Variants in HPCAL1 observed in about 807,000 individuals in gnomAD.
HPCAL1 encodes hippocalcin like 1, also known as hippocalcin-like protein 1.
A neutral mutation model predicts 17.1 loss-of-function variants in HPCAL1; 8 were observed. That is an observed-to-expected ratio of 0.47 (90% confidence interval 0.27 to 0.84). HPCAL1 has a LOEUF of 0.84. Ranked by LOEUF, HPCAL1 falls within the 40% of genes least tolerant of loss-of-function variation. HPCAL1 has a pLI of 0.13. For missense variants in HPCAL1, 165 were observed against 271.1 expected (o/e 0.61, Z 2.75); for synonymous variants, 112 against 111.4 (o/e 1.01, Z -0.03).
At chr2:10,371,554 G>C (rs757136203) in intron 1 of HPCAL1, among the ~76,000 whole-genome samples, 1 of 152,186 alleles carries the variant, frequency 6.6e-6, no homozygotes, top group Non-Finnish European at 1.5e-5. Context: ...TGAGGGGTCA[G>C]TCAGTGGGAA....
At chr2:10,401,196 T>C (rs1328343511) in intron 2 of HPCAL1, among the ~76,000 whole-genome samples, 1 of 152,138 alleles carries the variant, frequency 6.6e-6, no homozygotes, top group African/African-American at 2.4e-5. Flanking sequence ...CCGGCCTCTC[T>C]AGGTGGAGTC....
At chr2:10,364,694 T>TC (rs1666741569) in intron 1 of HPCAL1, among the ~76,000 whole-genome samples, 2 of 151,934 alleles carry the variant, frequency 1.3e-5, no homozygotes, top group South Asian at 4.2e-4. Context: ...CAGGTGATCC[T>TC]CCCACCTCAG....
intron 2 of HPCAL1, among the ~76,000 whole-genome samples, chr2:10,407,553 G>A (rs1044351444): frequency 1.3e-5 from 2 of 152,230 alleles, no homozygotes; most frequent in African/African-American, 4.8e-5. Flanking sequence ...AGACAGTCAA[G>A]AGATTTTGTA....
intron 1 of HPCAL1, among the ~76,000 whole-genome samples, chr2:10,322,418 C>G (rs542727520): frequency 2.6e-5 from 4 of 152,254 alleles, no homozygotes; most frequent in African/African-American, 7.2e-5. Flanking sequence ...CACGAAAACC[C>G]CAGCAGGACA....
intron 2 of HPCAL1, among the ~76,000 whole-genome samples, chr2:10,399,465 A>ACCG: frequency 7.7e-6 from 1 of 129,432 alleles, no homozygotes; most frequent in Non-Finnish European, 1.7e-5. Flanking sequence ...CACCACCACC[A>ACCG]TCACCATCAT....
intron 1 of HPCAL1, among the ~76,000 whole-genome samples, chr2:10,329,602 A>G (rs138623024): frequency 8.0e-4 from 122 of 152,388 alleles, no homozygotes; most frequent in South Asian, 4.3e-3. Context: ...GTCCACAGAC[A>G]GAACTGTATG....
chr2:10,389,020 G>A (rs769726758), intron 1 of HPCAL1, among the ~76,000 whole-genome samples: 7 of 152,230 alleles, frequency 4.6e-5, no homozygotes, highest in African/African-American at 7.2e-5. Flanking sequence ...GGCGGGACTC[G>A]ACTCCAGAGG....
intron 2 of HPCAL1, among the ~76,000 whole-genome samples, chr2:10,418,535 T>G (rs1465151377): frequency 6.6e-6 from 1 of 151,738 alleles, no homozygotes; most frequent in Admixed American, 6.6e-5. Flanking sequence ...CTGTCTTACC[T>G]TTCATAATGG....
intron 2 of HPCAL1, among the ~76,000 whole-genome samples, chr2:10,409,467 CT>C (rs1572844096): frequency 6.6e-6 from 1 of 152,240 alleles, no homozygotes; most frequent in African/African-American, 2.4e-5. Context: ...GGCAGCTTGA[CT>C]GTCACTTGCT....
chr2:10,424,767 G>T, intron 4 of HPCAL1: 1 of 404,798 alleles, frequency 2.5e-6, no homozygotes, highest in Non-Finnish European at 5.1e-6. Context: ...CCAGGGGCCA[G>T]AGTCAGTTCA....
chr2:10,352,733 G>A (rs1558479737), intron 1 of HPCAL1, among the ~76,000 whole-genome samples: 1 of 152,234 alleles, frequency 6.6e-6, no homozygotes, highest in African/African-American at 2.4e-5. Flanking sequence ...AGGGAGCTGA[G>A]GGCCTGGTGC....
intron 2 of HPCAL1, among the ~76,000 whole-genome samples, chr2:10,417,031 A>G (rs957444732): frequency 1.5e-4 from 23 of 152,130 alleles, no homozygotes; most frequent in African/African-American, 5.1e-4. Flanking sequence ...GCTGGGCTTA[A>G]CTGGCCAGGA....
intron 4 of HPCAL1, chr2:10,426,108 C>T (rs1298406938): frequency 1.0e-4 from 16 of 152,482 alleles, no homozygotes; most frequent in Admixed American, 1.0e-3. Context: ...CCACTCAGCC[C>T]AGTGTGGAGT....
chr2:10,314,120 C>G (rs1663152612), intron 1 of HPCAL1, among the ~76,000 whole-genome samples: 2 of 145,230 alleles, frequency 1.4e-5, no homozygotes, highest in South Asian at 4.4e-4. Flanking sequence ...GGTGACAGAG[C>G]AAGACTCCGT....
intron 1 of HPCAL1, among the ~76,000 whole-genome samples, chr2:10,360,406 G>A (rs180853318): frequency 2.0e-5 from 3 of 150,166 alleles, no homozygotes; most frequent in Non-Finnish European, 4.4e-5. Context: ...CTGGGTAGAT[G>A]TTAACTGAAT....
At position 10,365,844 on chromosome 2, in the gene HPCAL1, T is replaced by C. The variant is rs1347654878; in HGVS notation, c.-110-30991T>C. ...TCTGGGTTGAGGTCCTCTTGCTGCC[T>C]CTCTGTGAGCGAGCCTCGCCTGCTG... On this transcript the variant is annotated intron_variant, in intron 1 of 4. Coordinates refer to ENST00000307845, the MANE Select transcript of HPCAL1 (RefSeq NM_002149.4). The surrounding 1 kb of genome is among the most constrained non-coding windows in gnomAD (Gnocchi z 4.8). 6.6e-6 allele frequency among the ~76,000 whole-genome samples: 1 copy of C among 152,084 alleles called. No homozygotes were observed. Among genetic ancestry groups the C allele is most frequent in the Non-Finnish European group, 1.5e-5 (1 of 67,998 alleles).
At position 10,367,930 on chromosome 2, in the gene HPCAL1, G is replaced by A. The variant is rs76855442; in HGVS notation, c.-110-28905G>A. On this transcript the variant is annotated intron_variant, in intron 1 of 4. Transcript: ENST00000307845. This position sits in a 1 kb window ranked among gnomAD's most constrained non-coding sequence, Gnocchi z 4.4. ...TGTATGTGCGTGTGTGCCCATATGC[G>A]TGTGTAGGTGTGTGCATATGTGTAT... 0.079 allele frequency among the ~76,000 whole-genome samples: 12,086 copies of A among 152,190 alleles called. 579 individuals carry two copies. The highest frequency in any genetic ancestry group is 0.16 in the Middle Eastern group (48 of 294).
Position 10,367,436 on chromosome 2 carries a change from G to A in HPCAL1, c.-110-29399G>A, listed in dbSNP as rs1246378221. Among the ~76,000 whole-genome samples the A allele has an allele frequency of 3.3e-5, 5 of 151,888 alleles. No homozygotes were observed. Among genetic ancestry groups the A allele is most frequent in the African/African-American group, 9.7e-5 (4 of 41,314 alleles). On this transcript the variant is annotated intron_variant, in intron 1 of 4. Transcript: ENST00000307845. The surrounding 1 kb of genome is among the most constrained non-coding windows in gnomAD (Gnocchi z 4.4). ...TGAATAGCTGGGACTACAGGTGTGC[G>A]CCACCACGCATGGCTAATTTTTTGT...
chr2:10,321,693 A>C (rs1663680118), intron 1 of HPCAL1, among the ~76,000 whole-genome samples: 1 of 152,188 alleles, frequency 6.6e-6, no homozygotes, highest in African/African-American at 2.4e-5. Flanking sequence ...CCACTTCTGG[A>C]CATTTTATAT....
Sources: allele counts gnomAD v4.1 joint callset (sites outside exome capture counted in the v4.1 genomes callset), GRCh38; gene constraint gnomAD v4.1.1; non-coding constraint Gnocchi (gnomAD v3.1); transcripts MANE v1.5; gene names NCBI Gene and HGNC (gene_info 2026-07-23, HGNC 2026-07-21).